Variants in PLD1 observed in about 807,000 individuals in gnomAD.
The protein encoded by PLD1 is phospholipase D1.
In PLD1, 112 loss-of-function variants were observed where a neutral mutation model predicts 137.1. The ratio of observed to expected loss-of-function variants is 0.82; its 90% CI spans 0.70 to 0.96. The LOEUF is 0.96. Among genes scored for constraint, PLD1 ranks in the 40% least tolerant of loss-of-function variants. The pLI, the probability that PLD1 is intolerant of heterozygous loss-of-function variation, is 0.00. For missense variants in PLD1, 1,321 were observed against 1,342.0 expected, an observed-to-expected ratio of 0.98 and a Z score of 0.24; for synonymous variants, 431 against 454.7, an observed-to-expected ratio of 0.95 and a Z score of 0.66.
rs1328053399 is a variant in PLD1 at position 171,649,632 on chromosome 3, A to G, written c.2430-4609T>C. On this transcript the variant is annotated intron_variant, in intron 21 of 26. Coordinates refer to ENST00000351298, the MANE Select transcript of PLD1 (RefSeq NM_002662.5). ...TGTATAAAATATTTATGATCTTAAAAGCAATCTTGCTTTTGGGGCTAGTGG... is the reference window on the plus strand; with the variant it reads ...TGTATAAAATATTTATGATCTTAAAGGCAATCTTGCTTTTGGGGCTAGTGG... Among the ~76,000 whole-genome samples, 7 of 152,220 alleles carry G rather than the reference A, an allele frequency of 4.6e-5. No individual in the cohort carries two copies. In the South Asian group the frequency reaches 1.2e-3, roughly 27 times the overall value.
rs1714671384 is a variant in PLD1 at position 171,687,363 on chromosome 3, T to C, written c.1753+8A>G. The C allele has an allele frequency of 1.2e-6, 2 of 1,611,662 alleles. No individual in the cohort carries two copies. Among genetic ancestry groups the C allele is most frequent in the Non-Finnish European group, 1.7e-6 (2 of 1,177,706 alleles). On this transcript the variant is annotated splice_region_variant and intron_variant, in intron 15 of 26. Transcript: ENST00000351298. ...TTAAGATAAATTCTAGTCAAGGCCA[T>C]GACTTACTGGAGGTGCTGTCAATGC...
At chr3:171,682,592 C>A (rs1184203198) in intron 16 of PLD1, among the ~76,000 whole-genome samples, 1 of 152,198 alleles carries the variant, frequency 6.6e-6, no homozygotes, top group African/African-American at 2.4e-5. Context: ...ATAAGGCAAC[C>A]TGAGTTTTTA....
At chr3:171,620,769 T>TTA (rs1560151115) in intron 23 of PLD1, among the ~76,000 whole-genome samples, 2 of 88,536 alleles carry the variant, frequency 2.3e-5, no homozygotes, top group African/African-American at 6.7e-5. Flanking sequence ...TATATATATA[T>TTA]TATATATATT....
intron 1 of PLD1, among the ~76,000 whole-genome samples, chr3:171,772,427 G>A (rs1450785373): frequency 2.0e-5 from 3 of 152,102 alleles, no homozygotes; most frequent in South Asian, 4.1e-4. Flanking sequence ...TGAAATATAA[G>A]CCATTAGCTC....
chr3:171,806,392 A>G (rs781184947), intron 1 of PLD1, among the ~76,000 whole-genome samples: 1 of 152,250 alleles, frequency 6.6e-6, no homozygotes. Context: ...CCACTGAAGC[A>G]TAAGATGCGA....
At chr3:171,787,753 A>G (rs1406122344) in intron 1 of PLD1, among the ~76,000 whole-genome samples, 1 of 152,044 alleles carries the variant, frequency 6.6e-6, no homozygotes, top group African/African-American at 2.4e-5. Flanking sequence ...CAGCAAGCAT[A>G]TTATCACTGA....
At chr3:171,757,751 C>T (rs1721126395) in intron 1 of PLD1, among the ~76,000 whole-genome samples, 1 of 152,198 alleles carries the variant, frequency 6.6e-6, no homozygotes, top group Admixed American at 6.5e-5. Flanking sequence ...AAAATGAAAA[C>T]CTGCCCTTTG....
chr3:171,785,726 C>T (rs1183590232), intron 1 of PLD1, among the ~76,000 whole-genome samples: 1 of 152,118 alleles, frequency 6.6e-6, no homozygotes, highest in Non-Finnish European at 1.5e-5. Context: ...CGTGAGCCAC[C>T]ACGCCCAGCC....
intron 1 of PLD1, among the ~76,000 whole-genome samples, chr3:171,769,090 C>T (rs990722229): frequency 4.6e-5 from 7 of 152,094 alleles, no homozygotes; most frequent in African/African-American, 1.7e-4. Context: ...TTTTCTCCCA[C>T]GTTTGGAGGA....
At chr3:171,787,838 GTTTTT>G (rs36010901) in intron 1 of PLD1, among the ~76,000 whole-genome samples, 1 of 149,028 alleles carries the variant, frequency 6.7e-6, no homozygotes, top group African/African-American at 2.5e-5. Context: ...AACCAACTTG[GTTTTT>G]TTTAAGAAAA....
At chr3:171,706,537 T>C (rs944200328) in intron 11 of PLD1, among the ~76,000 whole-genome samples, 3 of 152,160 alleles carry the variant, frequency 2.0e-5, no homozygotes, top group Non-Finnish European at 2.9e-5. Flanking sequence ...CTCTACCCTT[T>C]ACAAACACCC....
At chr3:171,671,955 C>T (rs1712810247) in intron 19 of PLD1, among the ~76,000 whole-genome samples, 1 of 152,026 alleles carries the variant, frequency 6.6e-6, no homozygotes, top group African/African-American at 2.4e-5. Context: ...GGTCCAAATT[C>T]ACTAGGACAG....
chr3:171,669,874 G>C (rs55986523), intron 19 of PLD1, among the ~76,000 whole-genome samples: 2 of 152,206 alleles, frequency 1.3e-5, no homozygotes, highest in Non-Finnish European at 2.9e-5. Flanking sequence ...GCAGAGTGAA[G>C]TAATTTTCCC....
At chr3:171,805,023 T>C (rs1723792294) in intron 1 of PLD1, among the ~76,000 whole-genome samples, 1 of 152,224 alleles carries the variant, frequency 6.6e-6, no homozygotes, top group Non-Finnish European at 1.5e-5. Context: ...AAAGCCTACT[T>C]TGAAAAAGAT....
At chr3:171,809,675 G>A (rs908916471) in intron 1 of PLD1, 5 of 152,308 alleles carry the variant, frequency 3.3e-5, no homozygotes, top group Non-Finnish European at 5.9e-5. Context: ...CGGTAGTTCA[G>A]GACTGAGTCT....
At chr3:171,651,328 G>A (rs1189593072) in intron 21 of PLD1, among the ~76,000 whole-genome samples, 1 of 39,532 alleles carries the variant, frequency 2.5e-5, no homozygotes, top group Admixed American at 2.2e-4. Flanking sequence ...CTTAGGGTGT[G>A]TGTGTGTGTG....
At chr3:171,671,984 C>T (rs1392518654) in intron 19 of PLD1, among the ~76,000 whole-genome samples, 7 of 151,704 alleles carry the variant, frequency 4.6e-5, no homozygotes, top group Admixed American at 3.3e-4. Context: ...GTGTAGCCCC[C>T]ACCCCGCCCC....
intron 6 of PLD1, among the ~76,000 whole-genome samples, chr3:171,728,328 A>G (rs1033304650): frequency 6.6e-6 from 1 of 152,156 alleles, no homozygotes; most frequent in Non-Finnish European, 1.5e-5. Flanking sequence ...ACAAACAAAC[A>G]AACAAAAAAC....
At position 171,601,663 on chromosome 3, in the gene PLD1, A is replaced by G. The variant is rs1226711856; in HGVS notation, c.*1415T>C. ...TTCCAACTGAAGTATTAGCTTTATG[A>G]AAACAGGGATCGGCTGCTTGCTTCT... On this transcript the variant is annotated 3_prime_UTR_variant, in exon 27 of 27. Transcript: ENST00000351298. 1 of 152,156 alleles carries G rather than the reference A, an allele frequency of 6.6e-6. No homozygotes were observed. The highest frequency in any genetic ancestry group is 1.5e-5 in the Non-Finnish European group (1 of 68,050). 9.4% of individuals were successfully genotyped at this position (152,156 alleles called of 1,614,324 possible).
Sources: gnomAD v4.1 joint callset for allele counts (sites outside exome capture counted in the v4.1 genomes callset) on GRCh38, gnomAD v4.1.1 for gene constraint, MANE v1.5 for transcripts, NCBI Gene and HGNC (gene_info 2026-07-23, HGNC 2026-07-21) for gene names.